Variants in C13orf46 observed in about 807,000 individuals in gnomAD.
The protein encoded by C13orf46 is chromosome 13 open reading frame 46.
intron 5 of C13orf46, among the ~76,000 whole-genome samples, chr13:113,965,779 ATGATGGTAATTATAATGG>A (rs2052633356): frequency 0.012 from 1,385 of 115,882 alleles, 17 homozygotes; most frequent in African/African-American, 0.047. Flanking sequence ...GGTGATGGTG[ATGATGGTAATTATAATGG>A]TGGTGATGAT....
At chr13:113,943,681 G>A in the C13orf46 span, among the ~76,000 whole-genome samples, 1 of 152,208 alleles carries the variant, frequency 6.6e-6, no homozygotes, top group East Asian at 1.9e-4. Context: ...TGGTGAGGAC[G>A]AGGTCCACTC....
the C13orf46 span, among the ~76,000 whole-genome samples, chr13:113,945,591 G>GAA: frequency 1.7e-5 from 2 of 114,350 alleles, no homozygotes; most frequent in African/African-American, 6.9e-5. Context: ...GAGAGAGAGA[G>GAA]AGAAAGAAAG....
At chr13:113,966,357 T>G (rs1178836150) in intron 5 of C13orf46, among the ~76,000 whole-genome samples, 1 of 115,072 alleles carries the variant, frequency 8.7e-6, no homozygotes, top group Non-Finnish European at 2.2e-5. Context: ...ATGACGGTGA[T>G]GATATTAATG....
At chr13:113,963,321 T>C (rs1331337951) in intron 6 of C13orf46, among the ~76,000 whole-genome samples, 25,408 of 49,206 alleles carry the variant, frequency 0.52, 8,232 homozygotes, top group Non-Finnish European at 0.61. Flanking sequence ...TCAGCCTCGG[T>C]CCCTGTCCTC....
chr13:113,927,860 CG>C, the C13orf46 span: 2 of 369,132 alleles, frequency 5.4e-6, no homozygotes, highest in Non-Finnish European at 9.6e-6. Flanking sequence ...TGTCAAGATC[CG>C]GGGAAGATTC....
the C13orf46 span, among the ~76,000 whole-genome samples, chr13:113,945,137 T>C: frequency 3.9e-5 from 6 of 152,192 alleles, no homozygotes; most frequent in African/African-American, 1.4e-4. Context: ...TCCAGGTGTG[T>C]GTCAGGCTCT....
At chr13:113,934,015 C>T in the C13orf46 span, among the ~76,000 whole-genome samples, 14 of 152,276 alleles carry the variant, frequency 9.2e-5, no homozygotes, top group Non-Finnish European at 1.3e-4. Context: ...CAACCACATT[C>T]GAGATGCATG....
chr13:113,939,703 G>T, the C13orf46 span, among the ~76,000 whole-genome samples: 2 of 152,204 alleles, frequency 1.3e-5, no homozygotes, highest in African/African-American at 2.4e-5. Flanking sequence ...TCCAGCCCTG[G>T]AGATGTTGTC....
chr13:113,967,028 T>C (rs949646555), intron 5 of C13orf46, among the ~76,000 whole-genome samples: 2 of 152,158 alleles, frequency 1.3e-5, no homozygotes, highest in Non-Finnish European at 2.9e-5. Flanking sequence ...CTTTTCACCA[T>C]CCCAACGTGA....
the C13orf46 span, among the ~76,000 whole-genome samples, chr13:113,930,959 C>G: frequency 6.6e-6 from 1 of 152,190 alleles, no homozygotes; most frequent in Non-Finnish European, 1.5e-5. Context: ...GCTGGGGCCT[C>G]CACAGAAAGC....
the C13orf46 span, among the ~76,000 whole-genome samples, chr13:113,929,879 C>T: frequency 3.9e-4 from 59 of 152,300 alleles, no homozygotes; most frequent in African/African-American, 1.3e-3. Flanking sequence ...CAGTTCTGCC[C>T]GAGGATCCCA....
chr13:113,940,298 C>T, the C13orf46 span, among the ~76,000 whole-genome samples: 5 of 152,360 alleles, frequency 3.3e-5, no homozygotes, highest in East Asian at 3.9e-4. Flanking sequence ...GCCAAGCCCC[C>T]CACCCCCAGA....
chr13:113,950,927 G>A (rs979777926), downstream of C13orf46, among the ~76,000 whole-genome samples: 14 of 152,258 alleles, frequency 9.2e-5, no homozygotes, highest in South Asian at 2.1e-4. Flanking sequence ...CGGGATGTCC[G>A]TGGCGCTGGC....
chr13:113,945,541 G>C, the C13orf46 span, among the ~76,000 whole-genome samples: 33 of 56,360 alleles, frequency 5.9e-4, no homozygotes, highest in African/African-American at 2.3e-3. Context: ...GAGAATCTGA[G>C]AAAGAAAGAA....
rs1307927123 is a variant in C13orf46 at position 113,966,197 on chromosome 13, CATG to C, written c.504+1141_504+1143del. ...TGATGATGATGATGGTGATGATGGT[CATG>C]ATGATGGTGATTATAATGGTGGTGA... On this transcript the variant is annotated intron_variant, in intron 5 of 6. Transcript: ENST00000636427. Among the ~76,000 whole-genome samples the C allele has an allele frequency of 4.2e-5, 5 of 120,254 alleles. 1 individual carries two copies. Among genetic ancestry groups the C allele is most frequent in the Non-Finnish European group, 6.9e-5 (4 of 57,960 alleles). The allele number at this position is 120,254 out of a possible 152,430, so 78.9% of individuals were successfully genotyped here.
At chr13:113,972,068 T>C (rs533556207) in intron 1 of C13orf46, among the ~76,000 whole-genome samples, 6 of 152,130 alleles carry the variant, frequency 3.9e-5, no homozygotes, top group Non-Finnish European at 8.8e-5. Flanking sequence ...TCGTGCAGTT[T>C]TGGGCAAATC....
the C13orf46 span, chr13:113,927,462 C>G: frequency 2.5e-6 from 1 of 398,468 alleles, no homozygotes; most frequent in Non-Finnish European, 4.4e-6. Context: ...ACTTCAACTG[C>G]AAAGTACAAG....
At chr13:113,938,787 T>C in the C13orf46 span, among the ~76,000 whole-genome samples, 1 of 152,142 alleles carries the variant, frequency 6.6e-6, no homozygotes, top group African/African-American at 2.4e-5. Flanking sequence ...CACACAGCTC[T>C]TTCCTGTCTC....
rs1465351777 is a variant in C13orf46 at position 113,958,040 on chromosome 13, C to T, written c.573-1201G>A. Among the ~76,000 whole-genome samples, 3 of 147,266 alleles carry T rather than the reference C, an allele frequency of 2.0e-5. No homozygotes were observed. In the East Asian group the frequency reaches 6.3e-4, roughly 31 times the overall value. On this transcript the variant is annotated intron_variant, in intron 6 of 6. Coordinates refer to ENST00000636427, the MANE Select transcript of C13orf46 (RefSeq NM_001365455.2). ...ATCTCCCCTACACTCTGCCTGCACCCCTTTCATCAAGTGCACCGGGGGGGT... is the reference window on the plus strand; with the variant it reads ...ATCTCCCCTACACTCTGCCTGCACCTCTTTCATCAAGTGCACCGGGGGGGT...
Sources: gnomAD v4.1 joint callset for allele counts (sites outside exome capture counted in the v4.1 genomes callset) on GRCh38, gnomAD v4.1.1 for gene constraint, MANE v1.5 for transcripts, NCBI Gene and HGNC (gene_info 2026-07-23, HGNC 2026-07-21) for gene names.